GABRB2: variants seen among roughly 807,000 people sequenced by gnomAD.
GABRB2 encodes gamma-aminobutyric acid type A receptor subunit beta2, also known as gamma-aminobutyric acid receptor subunit beta-2.
In GABRB2, 16 loss-of-function variants were observed where a neutral mutation model predicts 54.7. The ratio of observed to expected loss-of-function variants is 0.29; its 90% CI spans 0.20 to 0.44. The LOEUF (loss-of-function observed/expected upper bound fraction) is 0.44, where lower values mean the gene tolerates loss of function less well. GABRB2 is among the 20% of genes least tolerant of loss of function. The probability of loss-of-function intolerance (pLI) is 1.00; values close to 1 mark genes in which losing one functional copy is unlikely to be tolerated. For missense variants in GABRB2, 355 were observed against 644.0 expected (o/e 0.55, Z 4.86); for synonymous variants, 244 against 233.8 (o/e 1.04, Z -0.40).
intron 3 of GABRB2, among the ~76,000 whole-genome samples, chr5:161,509,678 G>A (rs1331308667): frequency 1.3e-5 from 2 of 151,734 alleles, no homozygotes; most frequent in Non-Finnish European, 2.9e-5. Context: ...AGTAATACTC[G>A]AGATATTTTA....
At chr5:161,393,300 A>T (rs1755888688) in intron 5 of GABRB2, among the ~76,000 whole-genome samples, 5 of 2,282 alleles carry the variant, frequency 2.2e-3, no homozygotes, top group African/African-American at 9.3e-3. Context: ...TTAAAAATGT[A>T]AAAAAAAAAA....
chr5:161,491,216 C>A (rs1018542404), intron 3 of GABRB2, among the ~76,000 whole-genome samples: 4 of 151,402 alleles, frequency 2.6e-5, no homozygotes, highest in Middle Eastern at 3.2e-3. Flanking sequence ...TGAGTTCCAG[C>A]AAATTATTTA....
At chr5:161,516,540 A>G (rs1417205013) in intron 3 of GABRB2, among the ~76,000 whole-genome samples, 1 of 152,222 alleles carries the variant, frequency 6.6e-6, no homozygotes, top group Non-Finnish European at 1.5e-5. Flanking sequence ...ATAATAAGGG[A>G]GCAAACAAAT....
At chr5:161,413,817 G>C (rs1271268740) in intron 4 of GABRB2, among the ~76,000 whole-genome samples, 1 of 152,116 alleles carries the variant, frequency 6.6e-6, no homozygotes, top group East Asian at 1.9e-4. Context: ...AAAAAAGAGA[G>C]AGAGCCAAGT....
At position 161,447,818 on chromosome 5, in the gene GABRB2, TCTAC is replaced by T. The variant is rs533562486; in HGVS notation, c.458+11802_458+11805del. ...CATAGGTTGTGTAATTTTTTAATCT[TCTAC>T]CTATTTTTTTCTCCCCATGGGAAAT... On this transcript the variant is annotated intron_variant, in intron 4 of 9. Coordinates refer to ENST00000393959, the MANE Select transcript of GABRB2 (RefSeq NM_001371727.1). 5.9e-5 allele frequency among the ~76,000 whole-genome samples: 9 copies of T among 152,334 alleles called. No homozygotes were observed. The South Asian group carries it at 1.4e-3, about 25-fold the overall frequency.
At chr5:161,450,099 A>G (rs17059469) in intron 4 of GABRB2, among the ~76,000 whole-genome samples, 23,433 of 152,178 alleles carry the variant, frequency 0.15, 1,875 homozygotes, top group East Asian at 0.2. Context: ...CCTGCAATAT[A>G]AAATCCCTAC....
intron 5 of GABRB2, among the ~76,000 whole-genome samples, chr5:161,362,617 C>T (rs952537203): frequency 5.9e-5 from 9 of 151,964 alleles, no homozygotes; most frequent in African/African-American, 1.7e-4. Context: ...AGAAAATTTT[C>T]GCAATCTATC....
intron 5 of GABRB2, among the ~76,000 whole-genome samples, chr5:161,350,254 T>C (rs746061825): frequency 1.3e-5 from 2 of 151,218 alleles, no homozygotes; most frequent in African/African-American, 2.4e-5. Context: ...AGAAGTTAAA[T>C]TGTCCCAGTT....
intron 5 of GABRB2, among the ~76,000 whole-genome samples, chr5:161,344,993 G>A (rs1425665327): frequency 4.6e-5 from 7 of 151,928 alleles, no homozygotes; most frequent in African/African-American, 1.7e-4. Flanking sequence ...GAGTTGAACA[G>A]TGAGAACACA....
At chr5:161,329,359 A>C (rs1753763430) in intron 8 of GABRB2, 2 of 106,290 alleles carry the variant, frequency 1.9e-5, no homozygotes, top group South Asian at 5.5e-4. Context: ...CATAATGGTA[A>C]ATTGTGATTC....
intron 4 of GABRB2, among the ~76,000 whole-genome samples, chr5:161,417,821 T>C (rs1756724740): frequency 6.6e-6 from 1 of 152,150 alleles, no homozygotes; most frequent in Admixed American, 6.5e-5. Flanking sequence ...TCCTCTTGAT[T>C]TACCTCCACA....
At chr5:161,388,885 A>AATATCCAT (rs1277529405) in intron 5 of GABRB2, among the ~76,000 whole-genome samples, 8 of 152,020 alleles carry the variant, frequency 5.3e-5, no homozygotes, top group African/African-American at 1.9e-4. Flanking sequence ...AATCACATAC[A>AATATCCAT]ATATCCATAT....
At chr5:161,319,606 G>T (rs576159664) in intron 9 of GABRB2, among the ~76,000 whole-genome samples, 1 of 151,228 alleles carries the variant, frequency 6.6e-6, no homozygotes, top group East Asian at 1.9e-4. Flanking sequence ...CAGTTAAGTG[G>T]GTCCATTGTT....
chr5:161,506,946 G>A (rs1759624841), intron 3 of GABRB2, among the ~76,000 whole-genome samples: 2 of 152,090 alleles, frequency 1.3e-5, no homozygotes, highest in South Asian at 4.1e-4. Flanking sequence ...ACTTCTTGAA[G>A]GAGCCACAGG....
At chr5:161,319,435 A>G (rs1390169600) in intron 9 of GABRB2, among the ~76,000 whole-genome samples, 3 of 148,008 alleles carry the variant, frequency 2.0e-5, no homozygotes, top group Middle Eastern at 3.6e-3. Context: ...TTTATTTTAT[A>G]TATATATAAA....
At chr5:161,337,917 A>G (rs995886052) in intron 5 of GABRB2, among the ~76,000 whole-genome samples, 2 of 152,180 alleles carry the variant, frequency 1.3e-5, no homozygotes, top group African/African-American at 2.4e-5. Context: ...CAAGGTGGAC[A>G]TTGCTCTGCC....
At chr5:161,477,901 T>C (rs1758644354) in intron 3 of GABRB2, among the ~76,000 whole-genome samples, 1 of 152,016 alleles carries the variant, frequency 6.6e-6, no homozygotes, top group African/African-American at 2.4e-5. Flanking sequence ...ACTATGTGTA[T>C]GTAATAACAC....
intron 3 of GABRB2, among the ~76,000 whole-genome samples, chr5:161,536,001 G>T (rs552370304): frequency 2.6e-5 from 4 of 152,118 alleles, no homozygotes; most frequent in African/African-American, 9.7e-5. Flanking sequence ...ACAGGAAGCC[G>T]GTTCCATGTC....
chr5:161,362,349 A>G (rs1228578767), intron 5 of GABRB2, among the ~76,000 whole-genome samples: 1 of 152,174 alleles, frequency 6.6e-6, no homozygotes, highest in African/African-American at 2.4e-5. Context: ...ATAGCATTGA[A>G]TCTATAAATT....
Sources: allele counts gnomAD v4.1 joint callset (sites outside exome capture counted in the v4.1 genomes callset), GRCh38; gene constraint gnomAD v4.1.1; transcripts MANE v1.5; gene names NCBI Gene and HGNC (gene_info 2026-07-23, HGNC 2026-07-21).